Variants in ADK observed in about 807,000 individuals in gnomAD.
The protein encoded by ADK is adenosine kinase.
A neutral mutation model predicts 44.7 loss-of-function variants in ADK; 24 were observed. The ratio of observed to expected loss-of-function variants is 0.54; its 90% CI spans 0.39 to 0.76. The LOEUF (loss-of-function observed/expected upper bound fraction) is 0.76, where lower values mean the gene tolerates loss of function less well. ADK is among the 30% of genes least tolerant of loss of function. The pLI is 0.00. For missense variants in ADK, 321 were observed against 425.1 expected (o/e 0.76, Z 2.15); for synonymous variants, 128 against 142.6 (o/e 0.90, Z 0.73).
At chr10:74,457,590 C>T (rs952071935) in intron 6 of ADK, among the ~76,000 whole-genome samples, 2 of 152,168 alleles carry the variant, frequency 1.3e-5, no homozygotes, top group Non-Finnish European at 2.9e-5. Flanking sequence ...CAGCACTGTT[C>T]ACAATAGCAA....
chr10:74,479,444 A>T lies in ADK; in HGVS notation c.556-45812A>T, dbSNP rs183919496. Among the ~76,000 whole-genome samples, 191 of 112,700 alleles carry T rather than the reference A, an allele frequency of 1.7e-3. 1 individual carries two copies. Among genetic ancestry groups the T allele is most frequent in the Non-Finnish European group, 1.5e-3 (80 of 54,944 alleles). The allele number at this position is 112,700 out of a possible 152,430, so 73.9% of individuals were successfully genotyped here. On this transcript the variant is annotated intron_variant, in intron 6 of 10. Transcript: ENST00000539909. ...TTCTCCCTACCCCTCTCTTTTAGCCACTTTGAATTGGTTTGTTTTAGTGTC... is the reference window on the plus strand; with the variant it reads ...TTCTCCCTACCCCTCTCTTTTAGCCTCTTTGAATTGGTTTGTTTTAGTGTC...
intron 1 of ADK, among the ~76,000 whole-genome samples, chr10:74,172,712 C>T (rs531096765): frequency 7.0e-5 from 9 of 128,126 alleles, no homozygotes; most frequent in African/African-American, 1.7e-4. Flanking sequence ...AAAAAAAAAG[C>T]GGATCACGAG....
chr10:74,315,022 T>C (rs1170314425), intron 4 of ADK, among the ~76,000 whole-genome samples: 1 of 152,086 alleles, frequency 6.6e-6, no homozygotes, highest in African/African-American at 2.4e-5. Context: ...TGTTACAGAT[T>C]TGTAGAAACT....
intron 7 of ADK, among the ~76,000 whole-genome samples, chr10:74,587,888 C>T (rs1851584109): frequency 6.6e-6 from 1 of 151,864 alleles, no homozygotes; most frequent in African/African-American, 2.4e-5. Context: ...CATTTAGTAA[C>T]CTGTTATAAG....
At chr10:74,558,062 A>G (rs1208285060) in intron 7 of ADK, among the ~76,000 whole-genome samples, 1 of 152,184 alleles carries the variant, frequency 6.6e-6, no homozygotes, top group Non-Finnish European at 1.5e-5. Context: ...TAGGAAATTG[A>G]TAGCCCACAG....
At chr10:74,648,966 C>G (rs1161267804) in intron 9 of ADK, among the ~76,000 whole-genome samples, 1 of 151,696 alleles carries the variant, frequency 6.6e-6, no homozygotes, top group South Asian at 2.1e-4. Context: ...CGGATTACGA[C>G]GTCAGGAGAT....
At chr10:74,573,812 G>T (rs570267270) in intron 7 of ADK, among the ~76,000 whole-genome samples, 35 of 152,322 alleles carry the variant, frequency 2.3e-4, no homozygotes, top group African/African-American at 3.8e-4. Context: ...CTCCGAGCCA[G>T]GTGCGGGATA....
intron 7 of ADK, among the ~76,000 whole-genome samples, chr10:74,566,189 TTCTC>T (rs200313111): frequency 1.2e-4 from 18 of 149,026 alleles, no homozygotes; most frequent in Non-Finnish European, 2.2e-4. Context: ...TGTTTTTATT[TTCTC>T]TCTCTCTCTT....
chr10:74,693,284 T>C (rs1181575791), intron 10 of ADK, among the ~76,000 whole-genome samples: 4 of 152,204 alleles, frequency 2.6e-5, no homozygotes. Context: ...CTCTGTATTT[T>C]CTGCTTCATT....
chr10:74,373,148 C>A (rs1842720929), intron 4 of ADK, among the ~76,000 whole-genome samples: 1 of 151,506 alleles, frequency 6.6e-6, no homozygotes, highest in Non-Finnish European at 1.5e-5. Context: ...GGACCCCTAT[C>A]TCATATGCAA....
intron 1 of ADK, among the ~76,000 whole-genome samples, chr10:74,162,609 A>T (rs1841937687): frequency 6.6e-6 from 1 of 150,406 alleles, no homozygotes; most frequent in Non-Finnish European, 1.5e-5. Context: ...CAGTGGCATG[A>T]TCTCACCTCA....
chr10:74,486,161 A>G (rs1169236317), intron 6 of ADK, among the ~76,000 whole-genome samples: 2 of 152,068 alleles, frequency 1.3e-5, no homozygotes, highest in African/African-American at 4.8e-5. Context: ...CATGATAGTA[A>G]GTGAGTTCTC....
chr10:74,335,014 G>A (rs1758615640), intron 4 of ADK, among the ~76,000 whole-genome samples: 1 of 152,134 alleles, frequency 6.6e-6, no homozygotes, highest in African/African-American at 2.4e-5. Context: ...GTACTTTTCT[G>A]TTTCTAACCC....
intron 2 of ADK, among the ~76,000 whole-genome samples, chr10:74,209,862 C>A (rs1201489481): frequency 6.6e-6 from 1 of 151,960 alleles, no homozygotes; most frequent in Non-Finnish European, 1.5e-5. Context: ...TCCAGTTGAG[C>A]CCTGGTCTGT....
At chr10:74,155,285 C>T (rs1841714677) in intron 1 of ADK, among the ~76,000 whole-genome samples, 1 of 151,948 alleles carries the variant, frequency 6.6e-6, no homozygotes, top group Admixed American at 6.6e-5. Context: ...AAGTTCGAGA[C>T]CAGTCTGGGC....
At chr10:74,498,599 A>G (rs1430011090) in intron 6 of ADK, among the ~76,000 whole-genome samples, 2 of 152,218 alleles carry the variant, frequency 1.3e-5, no homozygotes, top group Non-Finnish European at 2.9e-5. Flanking sequence ...ATATGTATAC[A>G]TGTGCCATAT....
intron 9 of ADK, among the ~76,000 whole-genome samples, chr10:74,633,980 C>T (rs1393108747): frequency 1.3e-5 from 2 of 152,138 alleles, no homozygotes; most frequent in Non-Finnish European, 1.5e-5. Context: ...TACATACAGA[C>T]CTTATCCAAA....
rs536522367 is a variant in ADK at position 74,401,807 on chromosome 10, C to T, written c.555+3228C>T. Among the ~76,000 whole-genome samples the T allele has an allele frequency of 1.7e-3, 258 of 152,236 alleles. 1 individual carries two copies. Among genetic ancestry groups the T allele is most frequent in the South Asian group, 0.012 (56 of 4,822 alleles). ...TATGATGTTAGCTGGTTATTTTGCT[C>T]GTTAGTTGATGCAGTTTCTTCCTAG... On this transcript the variant is annotated intron_variant, in intron 6 of 10. Transcript: ENST00000539909.
chr10:74,442,625 G>A (rs1035182417), intron 6 of ADK, among the ~76,000 whole-genome samples: 3 of 152,120 alleles, frequency 2.0e-5, no homozygotes, highest in African/African-American at 4.8e-5. Flanking sequence ...CAGCCTGGGC[G>A]ACAGAGTGAG....
Sources: gnomAD v4.1 joint callset for allele counts (sites outside exome capture counted in the v4.1 genomes callset) on GRCh38, gnomAD v4.1.1 for gene constraint, MANE v1.5 for transcripts, NCBI Gene and HGNC (gene_info 2026-07-23, HGNC 2026-07-21) for gene names.